The following ITGA9 variants were observed in gnomAD, a reference collection of about 807,000 sequenced individuals.
The protein encoded by ITGA9 is integrin subunit alpha 9, also known as integrin alpha-9.
A neutral mutation model predicts 127.8 loss-of-function variants in ITGA9; 56 were observed. That is an observed-to-expected ratio of 0.44 (90% confidence interval 0.35 to 0.55). ITGA9 has a LOEUF of 0.55. Among genes scored for constraint, ITGA9 ranks in the 20% least tolerant of loss-of-function variants. The pLI, the probability that ITGA9 is intolerant of heterozygous loss-of-function variation, is 0.00. For synonymous variants in ITGA9, 508 were observed against 514.5 expected, an observed-to-expected ratio of 0.99 and a Z score of 0.17; for missense variants, 1,196 against 1,347.1, an observed-to-expected ratio of 0.89 and a Z score of 1.76.
chr3:37,727,636 A>T (rs1025390241), intron 18 of ITGA9, among the ~76,000 whole-genome samples: 1 of 152,230 alleles, frequency 6.6e-6, no homozygotes, highest in Non-Finnish European at 1.5e-5. Context: ...GAAACAAAAG[A>T]AGGAATTGAG....
At chr3:37,505,388 A>G (rs1278565670) in intron 6 of ITGA9, among the ~76,000 whole-genome samples, 4 of 152,256 alleles carry the variant, frequency 2.6e-5, no homozygotes, top group Admixed American at 6.5e-5. Flanking sequence ...CAGCAACAGA[A>G]TAAACATATG....
intron 22 of ITGA9, chr3:37,746,098 A>C (rs1696496961): frequency 6.6e-6 from 1 of 152,242 alleles, no homozygotes; most frequent in Non-Finnish European, 1.5e-5. Flanking sequence ...CAGGAAGGTC[A>C]CTAACCAGCT....
intron 15 of ITGA9, among the ~76,000 whole-genome samples, chr3:37,545,094 G>A (rs1216538987): frequency 6.6e-6 from 1 of 152,212 alleles, no homozygotes; most frequent in African/African-American, 2.4e-5. Flanking sequence ...GGGAAGGGGA[G>A]TGGCAGCCGG....
chr3:37,590,164 G>C (rs1028501558), intron 15 of ITGA9, among the ~76,000 whole-genome samples: 1 of 152,108 alleles, frequency 6.6e-6, no homozygotes, highest in Non-Finnish European at 1.5e-5. Context: ...AGGCAGCCTG[G>C]GGGTGCTTGC....
intron 11 of ITGA9, among the ~76,000 whole-genome samples, chr3:37,522,440 G>A (rs72867584): frequency 0.045 from 6,902 of 152,238 alleles, 439 homozygotes; most frequent in African/African-American, 0.15. Flanking sequence ...TGATGAATAA[G>A]AAGTGAGCAC....
At chr3:37,780,152 C>G (rs775602263) in intron 25 of ITGA9, 131 bp downstream of exon 25, 13 of 1,094,816 alleles carry the variant, frequency 1.2e-5, no homozygotes, top group Admixed American at 1.0e-4. Flanking sequence ...GGCTGCCCCC[C>G]CTTTTGGCTG....
intron 3 of ITGA9, among the ~76,000 whole-genome samples, chr3:37,477,154 T>C (rs1698502743): frequency 6.6e-6 from 1 of 152,180 alleles, no homozygotes; most frequent in African/African-American, 2.4e-5. Context: ...GAGGCAAGTA[T>C]TTACTTTTAA....
chr3:37,747,225 C>T (rs1466778484), intron 22 of ITGA9, among the ~76,000 whole-genome samples: 1 of 152,110 alleles, frequency 6.6e-6, no homozygotes, highest in Non-Finnish European at 1.5e-5. Flanking sequence ...CTGTCATCAT[C>T]ATCTAGTTGT....
At chr3:37,652,869 T>C (rs1437608660) in intron 16 of ITGA9, among the ~76,000 whole-genome samples, 2 of 152,196 alleles carry the variant, frequency 1.3e-5, no homozygotes, top group Non-Finnish European at 2.9e-5. Context: ...ATCTGAAATG[T>C]CAGAGAGGTT....
At chr3:37,562,800 G>A (rs1301555047) in intron 15 of ITGA9, among the ~76,000 whole-genome samples, 1 of 152,104 alleles carries the variant, frequency 6.6e-6, no homozygotes, top group African/African-American at 2.4e-5. Context: ...AGCTGTGTTG[G>A]AGAAATGTGG....
At chr3:37,497,791 C>A (rs1698746679) in intron 5 of ITGA9, among the ~76,000 whole-genome samples, 1 of 152,124 alleles carries the variant, frequency 6.6e-6, no homozygotes, top group Admixed American at 6.5e-5. Flanking sequence ...TGACTTGAGT[C>A]AATAGGCAGT....
At chr3:37,703,838 T>A (rs1490332208) in intron 18 of ITGA9, among the ~76,000 whole-genome samples, 1 of 152,174 alleles carries the variant, frequency 6.6e-6, no homozygotes, top group Non-Finnish European at 1.5e-5. Flanking sequence ...GCAGTTACCA[T>A]CTCAGTTTTC....
At chr3:37,499,697 G>A (rs757661219) in intron 5 of ITGA9, among the ~76,000 whole-genome samples, 5 of 152,182 alleles carry the variant, frequency 3.3e-5, no homozygotes, top group African/African-American at 4.8e-5. Flanking sequence ...CCTGAGGGTC[G>A]CAGGCTTGGC....
intron 16 of ITGA9, among the ~76,000 whole-genome samples, chr3:37,634,213 A>G (rs1278613245): frequency 6.6e-6 from 1 of 152,158 alleles, no homozygotes; most frequent in African/African-American, 2.4e-5. Flanking sequence ...CAACTAGAAA[A>G]CAACAAAATT....
intron 15 of ITGA9, among the ~76,000 whole-genome samples, chr3:37,603,039 T>TC (rs1392481121): frequency 6.6e-5 from 10 of 152,362 alleles, no homozygotes; most frequent in Admixed American, 2.6e-4. Context: ...GATATAATGA[T>TC]CTGGATACAG....
At chr3:37,488,785 G>A (rs1320244235) in intron 4 of ITGA9, among the ~76,000 whole-genome samples, 2 of 149,908 alleles carry the variant, frequency 1.3e-5, no homozygotes, top group Admixed American at 6.6e-5. Context: ...GTGACAGAAT[G>A]AGACTCTGTC....
At chr3:37,462,702 A>AGGGCCCTG (rs1698328620) in intron 1 of ITGA9, among the ~76,000 whole-genome samples, 1 of 152,196 alleles carries the variant, frequency 6.6e-6, no homozygotes, top group Non-Finnish European at 1.5e-5. Context: ...CCCTGAAAGG[A>AGGGCCCTG]AAAGGGCTTC....
chr3:37,500,373 A>G (rs1453288537), intron 5 of ITGA9, among the ~76,000 whole-genome samples: 1 of 152,230 alleles, frequency 6.6e-6, no homozygotes, highest in East Asian at 1.9e-4. Context: ...TAGGATCTCA[A>G]AACTTTAAAA....
At chr3:37,716,836 G>T (rs1701140477) in intron 18 of ITGA9, among the ~76,000 whole-genome samples, 3 of 152,002 alleles carry the variant, frequency 2.0e-5, no homozygotes, top group Non-Finnish European at 4.4e-5. Flanking sequence ...GATAATCTTG[G>T]AAGGCAAAGC....
Sources: gnomAD v4.1 joint callset for allele counts (sites outside exome capture counted in the v4.1 genomes callset) on GRCh38, gnomAD v4.1.1 for gene constraint, MANE v1.5 for transcripts, NCBI Gene and HGNC (gene_info 2026-07-23, HGNC 2026-07-21) for gene names.